The following CATIP variants were observed in gnomAD, a reference collection of about 807,000 sequenced individuals.
The protein encoded by CATIP is ciliogenesis-associated TTC17-interacting protein.
A neutral mutation model predicts 42.5 loss-of-function variants in CATIP; 40 were observed. The observed-to-expected ratio is 0.94, with a 90% confidence interval of 0.73 to 1.22. The LOEUF (loss-of-function observed/expected upper bound fraction) is 1.22, where lower values mean the gene tolerates loss of function less well. Among genes scored for constraint, CATIP ranks in the 50% most tolerant of loss-of-function variants. CATIP has a pLI of 0.00. For synonymous variants in CATIP, 222 were observed against 200.2 expected (o/e 1.11, Z -0.92); for missense variants, 489 against 496.0 (o/e 0.99, Z 0.13).
At position 218,357,614 on chromosome 2, in the gene CATIP, A is replaced by G. The variant is rs147879826; in HGVS notation, c.199A>G (p.Thr67Ala). ...CACCGGGGAGCCTCAGGGAGAGCTG[A>G]CCATTGAGGTGCAGAGAGGGAAATA... ...SDTGEPQGELTIEVQRGKYQE... is the reference protein window; with the variant it reads ...SDTGEPQGELAIEVQRGKYQE... Residue 67 changes from threonine to alanine, a missense_variant, in exon 3 of 10, where the codon ACC becomes GCC. Thr to Ala is a moderately conservative substitution (Grantham distance 58). Coordinates refer to ENST00000289388, the MANE Select transcript of CATIP (RefSeq NM_198559.2). 1.4e-4 allele frequency: 230 copies of G among 1,614,042 alleles called. No homozygotes were observed. Among genetic ancestry groups the G allele is most frequent in the Non-Finnish European group, 1.8e-4 (211 of 1,179,970 alleles).
At chr2:218,367,197 T>A in intron 8 of CATIP, 97 bp downstream of exon 8, 1 of 955,436 alleles carries the variant, frequency 1.0e-6, no homozygotes, top group Non-Finnish European at 1.6e-6. Flanking sequence ...CAGTGTGCTG[T>A]AAACGGGACA....
chr2:218,362,094 G>C (rs1317314318), intron 5 of CATIP, among the ~76,000 whole-genome samples: 1 of 152,090 alleles, frequency 6.6e-6, no homozygotes, highest in Non-Finnish European at 1.5e-5. Context: ...GGTGACTCAC[G>C]CCTGTAATTT....
chr2:218,365,167 C>T (rs1017806982), intron 7 of CATIP, among the ~76,000 whole-genome samples: 1 of 152,166 alleles, frequency 6.6e-6, no homozygotes, highest in African/African-American at 2.4e-5. Flanking sequence ...GTAATCCCAG[C>T]ACTTTGGGAG....
At chr2:218,357,262 T>TCC (rs1362154617) in intron 2 of CATIP, 75 bp downstream of exon 2, 6 of 702,056 alleles carry the variant, frequency 8.5e-6, no homozygotes, top group Non-Finnish European at 1.4e-5. Flanking sequence ...AAGTCCAGTC[T>TCC]CTCTCTCTCT....
intron 7 of CATIP, 145 bp from the exon 8 acceptor site, chr2:218,366,879 C>T (rs1695461614): frequency 2.9e-6 from 2 of 698,008 alleles, no homozygotes; most frequent in Non-Finnish European, 5.2e-6. Flanking sequence ...ATTCGGGCCC[C>T]ACCCTTATGA....
intron 6 of CATIP, 98 bp from the exon 7 acceptor site, chr2:218,364,530 G>C: frequency 6.7e-7 from 1 of 1,499,528 alleles, no homozygotes; most frequent in Non-Finnish European, 9.1e-7. Flanking sequence ...AATGTCTTGA[G>C]GTTGTTATGA....
chr2:218,361,917 T>C (rs1474072075), intron 5 of CATIP, among the ~76,000 whole-genome samples: 1 of 151,978 alleles, frequency 6.6e-6, no homozygotes, highest in African/African-American at 2.4e-5. Flanking sequence ...GGCTCACGCC[T>C]GTAATCCCAG....
rs988950606 is a variant in CATIP at position 218,361,904 on chromosome 2, G to A, written c.463-831G>A. Among the ~76,000 whole-genome samples the A allele has an allele frequency of 6.6e-5, 10 of 152,144 alleles. No homozygotes were observed. The South Asian group carries it at 1.4e-3, about 22-fold the overall frequency. Reference sequence around the variant, plus strand: ...ACGATTCATTCATTAGGCTGGGCGCGGTGGCTCACGCCTGTAATCCCAGCT... The same window carrying A: ...ACGATTCATTCATTAGGCTGGGCGCAGTGGCTCACGCCTGTAATCCCAGCT... On this transcript the variant is annotated intron_variant, in intron 5 of 9. Coordinates refer to ENST00000289388, the MANE Select transcript of CATIP (RefSeq NM_198559.2).
At position 218,364,693 on chromosome 2, in the gene CATIP, G is replaced by A. The variant is rs1695363842; in HGVS notation, c.696G>A (p.Gln232=). 6.2e-7 allele frequency: 1 copy of A among 1,614,044 alleles called. No homozygotes were observed. Among genetic ancestry groups the A allele is most frequent in the Non-Finnish European group, 8.5e-7 (1 of 1,179,956 alleles). ...AGGCTGAAGTCTTCATCGTGGAGCA[G>A]ACTGTCCACGCGGAGGAGGGCATCC... The part of the protein sequence containing the change: ...HQQAEVFIVE[Q]TVHAEEGIPM... The change falls in exon 7 of 10, where the codon CAG becomes CAA. Residue 232 remains glutamine (Q), a synonymous_variant. Transcript: ENST00000289388.
intron 4 of CATIP, 69 bp from the exon 5 acceptor site, chr2:218,360,504 A>G (rs1224260225): frequency 3.4e-5 from 40 of 1,184,364 alleles, no homozygotes; most frequent in Non-Finnish European, 3.4e-5. Flanking sequence ...TCATTAATGG[A>G]GAAGGGTCAG....
In CATIP at chr2:218,367,468, C is replaced by G; in HGVS notation, c.871C>G (p.Leu291Val). ...EPRPVFEKKP[L>V]VWEEDMELYS... is the part of the protein sequence containing the mutation. ...ACGCCCAGTGTTTGAGAAGAAGCCC[C>G]TGGTATGGGAGGAGGATATGGAGCT... The change falls in exon 9 of 10, where the codon CTG becomes GTG. Residue 291 changes from leucine (L) to valine (V), a missense_variant. Physicochemically the swap from Leu to Val is conservative, Grantham distance 32. Coordinates refer to ENST00000289388, the MANE Select transcript of CATIP (RefSeq NM_198559.2). 6.2e-7 allele frequency: 1 copy of G among 1,614,176 alleles called. No individual in the cohort carries two copies. Among genetic ancestry groups the G allele is most frequent in the Non-Finnish European group, 8.5e-7 (1 of 1,180,034 alleles).
chr2:218,358,323 C>T (rs993807421), intron 4 of CATIP, among the ~76,000 whole-genome samples: 1 of 152,116 alleles, frequency 6.6e-6, no homozygotes, highest in South Asian at 2.1e-4. Flanking sequence ...AATCCCAGCA[C>T]TTTGGGAGGC....
Position 218,363,540 on chromosome 2 carries a change from T to C in CATIP, c.630+638T>C, listed in dbSNP as rs371627087. Reference sequence around the variant, plus strand: ...CATTTTGGCCAGGCGCAGTGATTCATGCCTGTAATCCCAGCACTTTGGGAG... The same window carrying C: ...CATTTTGGCCAGGCGCAGTGATTCACGCCTGTAATCCCAGCACTTTGGGAG... On this transcript the variant is annotated intron_variant, in intron 6 of 9. Transcript: ENST00000289388. 4.9e-5 allele frequency among the ~76,000 whole-genome samples: 7 copies of C among 141,796 alleles called. No homozygotes were observed. In the East Asian group the frequency reaches 1.5e-3, roughly 30 times the overall value. 93.0% of individuals were successfully genotyped at this position (141,796 alleles called of 152,430 possible). A position where few individuals can be genotyped will look rare whatever the true frequency, so the allele number is the denominator to read the frequency against.
chr2:218,364,598 C>G, intron 6 of CATIP, 30 bp from the exon 7 acceptor site: 1 of 1,611,302 alleles, frequency 6.2e-7, no homozygotes, highest in Non-Finnish European at 8.5e-7. Flanking sequence ...TCCACCTTAC[C>G]TCCCACCCCC....
At chr2:218,367,283 TG>T (rs1372891609) in intron 8 of CATIP, 146 bp from the exon 9 acceptor site, 2 of 827,966 alleles carry the variant, frequency 2.4e-6, no homozygotes, top group Admixed American at 4.7e-5. Flanking sequence ...TCTTTCCTAC[TG>T]GAAGTCCCTT....
chr2:218,357,123 G>A lies in CATIP; in HGVS notation c.54G>A (p.Ser18=), dbSNP rs4324314. 0.2 allele frequency: 326,595 copies of A among 1,612,536 alleles called. 35,654 individuals are homozygous for A. Among genetic ancestry groups the A allele is most frequent in the Admixed American group, 0.28 (16,584 of 59,884 alleles). Residue 18 remains serine, a synonymous_variant, in exon 2 of 10, where the codon TCG becomes TCA. Coordinates refer to ENST00000289388, the MANE Select transcript of CATIP (RefSeq NM_198559.2). ...TGSRAKDHQP[S]GPECLPLPEA... is the part of the protein sequence containing the mutation. ...CCAGAGCTAAGGACCACCAGCCCTCGGGTCCGGAGTGTCTGCCACTCCCAG... is the reference window on the plus strand; with the variant it reads ...CCAGAGCTAAGGACCACCAGCCCTCAGGTCCGGAGTGTCTGCCACTCCCAG...
chr2:218,364,182 CTT>C (rs1329396022), intron 6 of CATIP, among the ~76,000 whole-genome samples: 2 of 152,170 alleles, frequency 1.3e-5, no homozygotes, highest in Non-Finnish European at 2.9e-5. Flanking sequence ...AACATTAGCA[CTT>C]TTTTCTCCAT....
rs1445984516 is a variant in CATIP at position 218,367,010 on chromosome 2, G to GTGT, written c.756-11_756-9dup. 2 of 1,607,864 alleles carry GTGT rather than the reference G, an allele frequency of 1.2e-6. No individual in the cohort carries two copies. Among genetic ancestry groups the GTGT allele is most frequent in the Non-Finnish European group, 1.7e-6 (2 of 1,174,330 alleles). Reference sequence around the variant, plus strand: ...GGGAAGATTCTCACTCTCACATGTTGTGTTGCACTCCAGGCACCTGGCCAA... The same window carrying GTGT: ...GGGAAGATTCTCACTCTCACATGTTGTGTTGTTGCACTCCAGGCACCTGGCCAA... On this transcript the variant is annotated splice_polypyrimidine_tract_variant and intron_variant, in intron 7 of 9. Transcript: ENST00000289388.
intron 6 of CATIP, among the ~76,000 whole-genome samples, chr2:218,363,485 CA>C (rs35752655): frequency 1.4e-4 from 13 of 89,864 alleles, no homozygotes; most frequent in African/African-American, 5.7e-4. Flanking sequence ...GACTCTGTCT[CA>C]AAAAAAAAAA....
Sources: gnomAD v4.1 joint callset for allele counts (sites outside exome capture counted in the v4.1 genomes callset) on GRCh38, gnomAD v4.1.1 for gene constraint, MANE v1.5 for transcripts, NCBI Gene and HGNC (gene_info 2026-07-23, HGNC 2026-07-21) for gene names.